Variants in SAMD9L observed in about 807,000 individuals in gnomAD.
SAMD9L encodes sterile alpha motif domain-containing protein 9-like.
A neutral mutation model predicts 90.7 loss-of-function variants in SAMD9L; 68 were observed. The observed-to-expected ratio is 0.75, with a 90% CI of 0.62 to 0.92. The LOEUF is 0.92. Among genes scored for constraint, SAMD9L ranks in the 40% least tolerant of loss-of-function variants. SAMD9L has a pLI of 0.00. For missense variants in SAMD9L, 1,604 were observed against 1,824.3 expected (o/e 0.88, Z 2.20); for synonymous variants, 640 against 630.1 (o/e 1.02, Z -0.23).
chr7:93,131,122 G>T lies in SAMD9L; in HGVS notation c.*95C>A. ...AAGCAAAATCTGTAATTAGAGGTTA[G>T]CCATAATGTTATGAAAGTGCCATGA... On this transcript the variant is annotated 3_prime_UTR_variant, in exon 5 of 5. Transcript: ENST00000318238. 2.5e-6 allele frequency: 2 copies of T among 793,480 alleles called. No individual in the cohort carries two copies. The highest frequency in any genetic ancestry group is 3.7e-6 in the Non-Finnish European group (2 of 533,530). 49.2% of individuals were successfully genotyped at this position (793,480 alleles called of 1,614,324 possible). A position where few individuals can be genotyped will look rare whatever the true frequency, so the allele number is the denominator to read the frequency against.
At position 93,135,075 on chromosome 7, in the gene SAMD9L, T is replaced by C. The variant is rs775114967; in HGVS notation, c.897A>G (p.Pro299=). Residue 299 remains proline, a synonymous_variant, in exon 5 of 5, where the codon CCA becomes CCG. Coordinates refer to ENST00000318238, the MANE Select transcript of SAMD9L (RefSeq NM_152703.5). ...CAACTTCAATGACAAATCTGTCAGA[T>C]GGTGTATTGTTCTGCAGAAGGACTT... is the stretch of plus-strand genomic sequence containing the variant. The part of the protein sequence containing the change: ...FVEVLLQNNT[P]SDRFVIEVDT... 25 of 1,613,012 alleles carry C rather than the reference T, an allele frequency of 1.5e-5. No individual in the cohort carries two copies. The highest frequency in any genetic ancestry group is 2.1e-5 in the Non-Finnish European group (25 of 1,179,778).
intron 4 of SAMD9L, among the ~76,000 whole-genome samples, chr7:93,136,758 A>G (rs1792470576): frequency 6.6e-6 from 1 of 152,228 alleles, no homozygotes; most frequent in Admixed American, 6.5e-5. Flanking sequence ...GACTCCTAGA[A>G]CAGGGGTTCT....
chr7:93,146,299 T>G (rs1228274244), intron 2 of SAMD9L, among the ~76,000 whole-genome samples: 1 of 152,208 alleles, frequency 6.6e-6, no homozygotes, highest in African/African-American at 2.4e-5. Context: ...TTCACTTTGT[T>G]GAGATCTTTT....
At position 93,134,714 on chromosome 7, in the gene SAMD9L, C is replaced by T. The variant is rs1025491899; in HGVS notation, c.1258G>A (p.Val420Ile). 1.9e-6 allele frequency: 3 copies of T among 1,613,524 alleles called. No individual in the cohort carries two copies. The highest frequency in any genetic ancestry group is 1.7e-4 in the Middle Eastern group (1 of 6,060). ...DNSYYDWYILVTNKCHPNQIK... is the reference protein window; with the variant it reads ...DNSYYDWYILITNKCHPNQIK... The stretch of plus-strand genomic sequence containing the variant: ...TGGTTTGGATGGCATTTATTTGTTA[C>T]AAGAATGTACCAGTCATAGTATGAA... The change falls in exon 5 of 5, where the codon GTA becomes ATA. Residue 420 changes from valine (V) to isoleucine (I), a missense_variant. Physicochemically the swap from Val to Ile is conservative, Grantham distance 29 (BLOSUM62 3). Transcript: ENST00000318238.
intron 4 of SAMD9L, among the ~76,000 whole-genome samples, chr7:93,137,765 G>A (rs1335299095): frequency 8.6e-6 from 1 of 116,268 alleles, no homozygotes; most frequent in Admixed American, 9.6e-5. Flanking sequence ...TTAATTTAAT[G>A]TACATCCAGT....
intron 4 of SAMD9L, among the ~76,000 whole-genome samples, chr7:93,142,039 C>A (rs1346891571): frequency 6.6e-6 from 1 of 152,152 alleles, no homozygotes; most frequent in Non-Finnish European, 1.5e-5. Flanking sequence ...CTTTGCACTA[C>A]CTGTTCCCTC....
chr7:93,131,152 A>G lies in SAMD9L; in HGVS notation c.*65T>C, dbSNP rs1242982495. On this transcript the variant is annotated 3_prime_UTR_variant, in exon 5 of 5. Coordinates refer to ENST00000318238, the MANE Select transcript of SAMD9L (RefSeq NM_152703.5). ...AATGTTATGAAAGTGCCATGAGAAT[A>G]GAGAGAGAGAATAAAATCATAAAGA... 7.7e-6 allele frequency: 8 copies of G among 1,038,176 alleles called. No homozygotes were observed. The highest frequency in any genetic ancestry group is 1.6e-5 in the African/African-American group (1 of 61,340). The allele number at this position is 1,038,176 out of a possible 1,614,324, so 64.3% of individuals were successfully genotyped here.
In SAMD9L at chr7:93,133,665, G is replaced by A; in HGVS notation, c.2307C>T (p.Asn769=). 1 of 1,613,562 alleles carries A rather than the reference G, an allele frequency of 6.2e-7. No individual in the cohort carries two copies. The highest frequency in any genetic ancestry group is 8.5e-7 in the Non-Finnish European group (1 of 1,179,830). ...CAATTTCTGCAAAATCAGTTGTCTT[G>A]TTTTTTAACACAGCACATCTGAAGT... ...KKNFRCAVLK[N]KTTDFAEIAE... is the part of the protein sequence containing the mutation. Residue 769 remains asparagine (N), a synonymous_variant, in exon 5 of 5, where the codon AAC becomes AAT. Coordinates refer to ENST00000318238, the MANE Select transcript of SAMD9L (RefSeq NM_152703.5).
chr7:93,147,312 G>GC (rs1792930606), intron 1 of SAMD9L, among the ~76,000 whole-genome samples, 166 bp from the exon 2 acceptor site: 1 of 152,136 alleles, frequency 6.6e-6, no homozygotes, highest in Non-Finnish European at 1.5e-5. Context: ...CTTTCTAGGG[G>GC]CCCTCAGTGT....
Position 93,133,570 on chromosome 7 carries a change from A to T in SAMD9L, c.2402T>A (p.Leu801His). The T allele has an allele frequency of 6.2e-7, 1 of 1,613,888 alleles. No homozygotes were observed. Among genetic ancestry groups the T allele is most frequent in the African/African-American group, 1.3e-5 (1 of 75,044 alleles). The change falls in exon 5 of 5, where the codon CTT becomes CAT. Residue 801 changes from leucine (L) to histidine (H), a missense_variant. Physicochemically the swap from Leu to His is moderately conservative, Grantham distance 99. Transcript: ENST00000318238. The part of the protein sequence containing the change: ...SHQDYIPVLL[L>H]VDDFEEQENV... ...TTCTTGTTCTTCAAAATCATCCACA[A>T]GGAGAAGCACAGGAATGTAATCCTG...
intron 4 of SAMD9L, among the ~76,000 whole-genome samples, chr7:93,143,285 G>A (rs184212444): frequency 1.1e-3 from 164 of 152,016 alleles, no homozygotes; most frequent in Non-Finnish European, 1.7e-3. Flanking sequence ...CTGGAACATG[G>A]CTGGACAATG....
chr7:93,133,472 C>T lies in SAMD9L; in HGVS notation c.2500G>A (p.Val834Ile). The T allele has an allele frequency of 1.9e-6, 3 of 1,612,286 alleles. No homozygotes were observed. The highest frequency in any genetic ancestry group is 1.1e-5 in the South Asian group (1 of 90,762). ...GATCTCATGCAGTTTAAGATAATTA[C>T]CAATGTTTTTTCATATCGCAAATCC... ...EKDLRYEKTL[V>I]IILNCMRSRN... The change falls in exon 5 of 5, where the codon GTA becomes ATA. Residue 834 changes from valine (V) to isoleucine (I), a missense_variant. By Grantham distance (29) the Val-to-Ile change is conservative. This residue lies in a region of SAMD9L where 606 missense variants were observed against 717.6 expected (regional missense o/e 0.84). Transcript: ENST00000318238.
chr7:93,144,115 T>C (rs1440994081), intron 4 of SAMD9L, among the ~76,000 whole-genome samples: 1 of 152,260 alleles, frequency 6.6e-6, no homozygotes, highest in African/African-American at 2.4e-5. Context: ...TGCTTGTTTT[T>C]GTTCTGCTTC....
rs780673328 is a variant in SAMD9L, at chr7:93,131,785, T to C, written c.4187A>G (p.Asn1396Ser). 6.2e-6 allele frequency: 10 copies of C among 1,613,412 alleles called. No homozygotes were observed. In the Middle Eastern group the frequency reaches 6.6e-4, roughly 106 times the overall value. The change falls in exon 5 of 5, where the codon AAC becomes AGC. Residue 1396 changes from asparagine (N) to serine (S), a missense_variant. This residue lies in a region of SAMD9L where 282 missense variants were observed against 329.6 expected (regional missense o/e 0.86). Transcript: ENST00000318238. ...ANIILSCLKP[N>S]SKLIQPLTTL... ...GGTAAGTGGTTGAATTAACTTGGAG[T>C]TGGGCTTTAGACAACTCAGAATAAT...
chr7:93,130,619 T>G lies in SAMD9L; in HGVS notation c.*598A>C, dbSNP rs1792043529. On this transcript the variant is annotated 3_prime_UTR_variant, in exon 5 of 5. Transcript: ENST00000318238. ...ACTTTATTTTTTGAACTCTTCTCTC[T>G]CCTGGAGCAATGAGCTGGGAGAAGG... 6.6e-6 allele frequency: 1 copy of G among 152,430 alleles called. No homozygotes were observed. Among genetic ancestry groups the G allele is most frequent in the Admixed American group, 6.6e-5 (1 of 15,236 alleles). The allele number at this position is 152,430 out of a possible 1,614,324, so 9.4% of individuals were successfully genotyped here. A position where few individuals can be genotyped will look rare whatever the true frequency, so the allele number is the denominator to read the frequency against.
rs1484268622 is a variant in SAMD9L, at chr7:93,134,121, T to A, written c.1851A>T (p.Val617=). ...HSISTLNIEL[V]NSTILKLKSV... is the part of the protein sequence containing the mutation. ...ATTTTAGTTTAAGGATAGTGCTGTT[T>A]ACCAGTTCTATATTTAAAGTGGAAA... is the stretch of plus-strand genomic sequence containing the variant. The change falls in exon 5 of 5, where the codon GTA becomes GTT. Residue 617 remains valine, a synonymous_variant. Transcript: ENST00000318238. 4.3e-6 allele frequency: 7 copies of A among 1,613,940 alleles called. No individual in the cohort carries two copies. The highest frequency in any genetic ancestry group is 5.9e-6 in the Non-Finnish European group (7 of 1,179,850).
At chr7:93,140,614 C>A (rs559365172) in intron 4 of SAMD9L, among the ~76,000 whole-genome samples, 1 of 152,204 alleles carries the variant, frequency 6.6e-6, no homozygotes, top group Non-Finnish European at 1.5e-5. Flanking sequence ...CCATTTAAAC[C>A]GGCAGAATTG....
In SAMD9L at chr7:93,132,611, C is replaced by G. The variant is rs1304801235; in HGVS notation, c.3361G>C (p.Asp1121His). Residue 1121 changes from aspartate (D) to histidine (H), a missense_variant, in exon 5 of 5, where the codon GAT becomes CAT. Asp to His is a moderately conservative substitution (Grantham distance 81). Around this residue, in one of 7 missense-constraint regions of SAMD9L, gnomAD observed 302 missense variants for 314.7 expected, o/e 0.96. Transcript: ENST00000318238. The part of the protein sequence containing the change: ...MKAPKNSYIS[D>H]TLGQVYKSEI... ...CTTTTGTAGACTTGACCTAGTGTAT[C>G]TGAAATATAGGAATTTTTAGGTGCT... The G allele has an allele frequency of 4.3e-6, 7 of 1,613,512 alleles. No individual in the cohort carries two copies. The East Asian group carries it at 1.6e-4, about 36-fold the overall frequency.
rs752558099 is a variant in SAMD9L, at chr7:93,132,558, G to A, written c.3414C>T (p.Asn1138=). The A allele has an allele frequency of 3.1e-6, 5 of 1,613,822 alleles. No homozygotes were observed. Among genetic ancestry groups the A allele is most frequent in the Non-Finnish European group, 4.2e-6 (5 of 1,179,812 alleles). The stretch of plus-strand genomic sequence containing the variant: ...TAACAGTAATGCTCCTACAGTTTTT[G>A]TTCCCATCCAACCACCATTTGATTT... ...KSEIKWWLDG[N]KNCRSITVND... is the part of the protein sequence containing the mutation. The change falls in exon 5 of 5, where the codon AAC becomes AAT. Residue 1138 remains asparagine (N), a synonymous_variant. Coordinates refer to ENST00000318238, the MANE Select transcript of SAMD9L (RefSeq NM_152703.5).
Sources: gnomAD v4.1 joint callset for allele counts (sites outside exome capture counted in the v4.1 genomes callset) on GRCh38, gnomAD v4.1.1 for gene constraint, gnomAD v4.1.1 regional missense constraint, MANE v1.5 for transcripts, NCBI Gene and HGNC (gene_info 2026-07-23, HGNC 2026-07-21) for gene names.